Variants in IL36B observed in about 807,000 individuals in gnomAD.
The protein encoded by IL36B is interleukin-36 beta.
A neutral mutation model predicts 19.3 loss-of-function variants in IL36B; 23 were observed. The ratio of observed to expected loss-of-function variants is 1.19; its 90% confidence interval spans 0.86 to 1.69. The LOEUF (loss-of-function observed/expected upper bound fraction) is 1.69, where lower values mean the gene tolerates loss of function less well. IL36B is among the 40% of genes most tolerant of loss of function. IL36B has a pLI of 0.00. For synonymous variants in IL36B, 59 were observed against 59.7 expected (o/e 0.99, Z 0.05); for missense variants, 217 against 200.5 (o/e 1.08, Z -0.50).
chr2:113,049,472 T>C (rs1483161273), intron 1 of IL36B, among the ~76,000 whole-genome samples: 2 of 152,156 alleles, frequency 1.3e-5, no homozygotes, highest in East Asian at 1.9e-4. Context: ...TAAAAAATGG[T>C]CAAATGACTT....
chr2:113,028,541 T>C (rs1170965884), intron 4 of IL36B, among the ~76,000 whole-genome samples: 1 of 152,244 alleles, frequency 6.6e-6, no homozygotes, highest in East Asian at 1.9e-4. Flanking sequence ...GAGTTATGTG[T>C]TTATGGTACA....
chr2:113,044,034 G>A (rs1307385197), intron 1 of IL36B, among the ~76,000 whole-genome samples: 1 of 151,978 alleles, frequency 6.6e-6, no homozygotes, highest in African/African-American at 2.4e-5. Flanking sequence ...GGATTGTATT[G>A]GATCTACAGG....
intron 5 of IL36B, chr2:113,026,000 T>C (rs905510158): frequency 6.7e-7 from 1 of 1,499,840 alleles, no homozygotes; most frequent in African/African-American, 1.4e-5. Flanking sequence ...CTGCCATGGG[T>C]GATTATGTCT....
intron 1 of IL36B, among the ~76,000 whole-genome samples, chr2:113,036,029 G>C (rs551847785): frequency 1.3e-5 from 2 of 152,020 alleles, no homozygotes; most frequent in Non-Finnish European, 2.9e-5. Flanking sequence ...TGAAACCTCC[G>C]CCCCACCCGG....
intron 2 of IL36B, 55 bp from the exon 3 acceptor site, chr2:113,031,210 C>T: frequency 1.7e-6 from 2 of 1,148,470 alleles, no homozygotes; most frequent in South Asian, 2.5e-5. Flanking sequence ...CTTCAGGACT[C>T]CAGTTGCATC....
chr2:113,032,729 T>C (rs1304310435), intron 1 of IL36B, among the ~76,000 whole-genome samples: 4 of 152,188 alleles, frequency 2.6e-5, no homozygotes, highest in Non-Finnish European at 5.9e-5. Flanking sequence ...TCTAGCTGCA[T>C]GAAAAGCTGG....
At chr2:113,028,256 G>C (rs935148994) in intron 4 of IL36B, 141 bp from the exon 5 acceptor site, 1 of 670,498 alleles carries the variant, frequency 1.5e-6, no homozygotes, top group African/African-American at 1.8e-5. Flanking sequence ...GATGAAGCAG[G>C]GCATTAGAGT....
chr2:113,033,294 C>T lies in IL36B; in HGVS notation c.-57-1528G>A, dbSNP rs373420571. Among the ~76,000 whole-genome samples, 12 of 152,296 alleles carry T rather than the reference C, an allele frequency of 7.9e-5. No individual in the cohort carries two copies. The East Asian group carries it at 2.1e-3, about 27-fold the overall frequency. On this transcript the variant is annotated intron_variant, in intron 1 of 5. Transcript: ENST00000259213. The stretch of plus-strand genomic sequence containing the variant: ...GTCGCCAAGCTGGAGTGCAGTGGCA[C>T]GATCTCGGCTCATGGAAACTTCCGC...
At chr2:113,022,901 C>T (rs1410791956) in intron 5 of IL36B, 7 of 638,244 alleles carry the variant, frequency 1.1e-5, no homozygotes, top group South Asian at 7.3e-5. Context: ...TGGAGTTTGC[C>T]TTCCTCTCAG....
chr2:113,025,576 GC>G (rs1292621672), intron 5 of IL36B, among the ~76,000 whole-genome samples: 1 of 152,118 alleles, frequency 6.6e-6, no homozygotes. Flanking sequence ...AGAAGCTATA[GC>G]ACAAAGCCTA....
intron 1 of IL36B, among the ~76,000 whole-genome samples, chr2:113,041,026 G>A (rs529228565): frequency 3.9e-5 from 6 of 152,116 alleles, no homozygotes; most frequent in Non-Finnish European, 8.8e-5. Flanking sequence ...ATGGTGGCTT[G>A]CGCCTGTGGT....
At chr2:113,029,256 C>G (rs3948121) in intron 3 of IL36B, among the ~76,000 whole-genome samples, 178 bp from the exon 4 acceptor site, 105,727 of 152,072 alleles carry the variant, frequency 0.7, 37,894 homozygotes, top group East Asian at 0.95. Context: ...CCCCAGTTGT[C>G]ACCAGGACAT....
intron 5 of IL36B, chr2:113,026,038 C>G (rs1000287850): frequency 6.3e-7 from 1 of 1,575,268 alleles, no homozygotes; most frequent in African/African-American, 1.3e-5. Flanking sequence ...TCTGAGGAAC[C>G]ATGAAGAATG....
intron 1 of IL36B, among the ~76,000 whole-genome samples, chr2:113,046,171 T>C (rs1481028961): frequency 1.3e-5 from 2 of 152,054 alleles, no homozygotes; most frequent in African/African-American, 4.8e-5. Flanking sequence ...ACATTATTAT[T>C]ATATAAAGTT....
Position 113,026,155 on chromosome 2 carries a change from A to C in IL36B, c.339T>G (p.Asp113Glu). Residue 113 changes from aspartate to glutamate, a missense_variant, in exon 5 of 6, where the codon GAT (aspartate) becomes GAG (glutamate). Physicochemically the swap from Asp to Glu is conservative, Grantham distance 45. Coordinates refer to ENST00000259213, the MANE Select transcript of IL36B (RefSeq NM_014438.5). ...TTCCCATGAAGCAGCTCTCTCTCAC[A>C]TCCAGGTTTATGCATGTGTGAATTC... The C allele has an allele frequency of 6.2e-7, 1 of 1,613,926 alleles. No homozygotes were observed. The highest frequency in any genetic ancestry group is 8.5e-7 in the Non-Finnish European group (1 of 1,179,830).
intron 1 of IL36B, among the ~76,000 whole-genome samples, chr2:113,050,306 T>C (rs62157694): frequency 0.39 from 58,531 of 151,674 alleles, 13,075 homozygotes; most frequent in East Asian, 0.75. Context: ...CATGGATGAA[T>C]CTTGAAAGTA....
At chr2:113,048,756 G>C (rs1401710075) in intron 1 of IL36B, among the ~76,000 whole-genome samples, 6 of 152,210 alleles carry the variant, frequency 3.9e-5, no homozygotes, top group South Asian at 2.1e-4. Context: ...TTCATGAATA[G>C]AAGAGGGACA....
At chr2:113,048,672 A>G (rs779347861) in intron 1 of IL36B, among the ~76,000 whole-genome samples, 1 of 152,218 alleles carries the variant, frequency 6.6e-6, no homozygotes, top group Non-Finnish European at 1.5e-5. Context: ...TGCAGAAAGC[A>G]GTAGAGAATA....
chr2:113,032,641 AAGC>A (rs1466897654), intron 1 of IL36B, among the ~76,000 whole-genome samples: 4 of 152,178 alleles, frequency 2.6e-5, no homozygotes, highest in African/African-American at 9.7e-5. Flanking sequence ...CCTGGGTTCT[AAGC>A]AGCAGAAGTT....
Sources: allele counts gnomAD v4.1 joint callset (sites outside exome capture counted in the v4.1 genomes callset), GRCh38; gene constraint gnomAD v4.1.1; transcripts MANE v1.5; gene names NCBI Gene and HGNC (gene_info 2026-07-23, HGNC 2026-07-21).